Variants in ZHX3 observed in about 807,000 individuals in gnomAD.
ZHX3 encodes the protein zinc fingers and homeoboxes 3.
ZHX3 carries 20 observed loss-of-function variants against 64.5 expected under a neutral mutation model. That is an observed-to-expected ratio of 0.31 (90% CI 0.22 to 0.45). ZHX3 has a LOEUF of 0.45. Among genes scored for constraint, ZHX3 ranks in the 20% least tolerant of loss-of-function variants. ZHX3 has a pLI of 1.00. For synonymous variants in ZHX3, 423 were observed against 461.6 expected, an observed-to-expected ratio of 0.92 and a Z score of 1.07; for missense variants, 1,041 against 1,195.8, an observed-to-expected ratio of 0.87 and a Z score of 1.91.
At position 41,202,321 on chromosome 20, in the gene ZHX3, G is replaced by T. The variant is rs748983921; in HGVS notation, c.2596C>A (p.Gln866Lys). Residue 866 changes from glutamine to lysine, a missense_variant, in exon 3 of 4, where the codon CAG becomes AAG. Physicochemically the swap from Gln to Lys is moderately conservative, Grantham distance 53. Coordinates refer to ENST00000683867, the MANE Select transcript of ZHX3 (RefSeq NM_001384317.1). The surrounding 1 kb of genome is among the most constrained non-coding windows in gnomAD (Gnocchi z 7.0). Reference sequence around the variant, plus strand: ...ATCTGGGTCTTGTCACAGAGGTTCTGCAGGTCCTCTTCATACAGCATCTTG... The same window carrying T: ...ATCTGGGTCTTGTCACAGAGGTTCTTCAGGTCCTCTTCATACAGCATCTTG... Reference protein sequence around the residue: ...THKMLYEEDLQNLCDKTQMSS... With the variant: ...THKMLYEEDLKNLCDKTQMSS... 7.4e-6 allele frequency: 12 copies of T among 1,614,064 alleles called. No individual in the cohort carries two copies. Among genetic ancestry groups the T allele is most frequent in the Non-Finnish European group, 1.0e-5 (12 of 1,180,044 alleles).
At chr20:41,218,840 A>ATAATTTCTGCATTTAG (rs2039731900) in intron 2 of ZHX3, among the ~76,000 whole-genome samples, 1 of 152,044 alleles carries the variant, frequency 6.6e-6, no homozygotes, top group Non-Finnish European at 1.5e-5. Flanking sequence ...AAGGGTCACA[A>ATAATTTCTGCATTTAG]TAATTTCTGC....
chr20:41,204,367 T>C lies in ZHX3; in HGVS notation c.550A>G (p.Thr184Ala). The C allele has an allele frequency of 1.2e-6, 2 of 1,613,998 alleles. No homozygotes were observed. The highest frequency in any genetic ancestry group is 1.7e-5 in the Admixed American group (1 of 59,996). ...DGQAEIIITK[T>A]PIMKIMKGKA... ...CCTTTCATTATCTTCATGATTGGAG[T>C]TTTGGTAATGATGATTTCTGCCTGT... Residue 184 changes from threonine to alanine, a missense_variant, in exon 3 of 4, where the codon ACT becomes GCT. Physicochemically the swap from Thr to Ala is moderately conservative, Grantham distance 58. Transcript: ENST00000683867. This position sits in a 1 kb window ranked among gnomAD's most constrained non-coding sequence, Gnocchi z 6.6.
intron 2 of ZHX3, among the ~76,000 whole-genome samples, chr20:41,210,174 G>C (rs924052000): frequency 5.3e-5 from 8 of 152,158 alleles, no homozygotes; most frequent in Admixed American, 2.0e-4. Context: ...TTAGAATGGC[G>C]ACCATTAAAA....
intron 2 of ZHX3, among the ~76,000 whole-genome samples, chr20:41,257,341 T>G (rs2042310975): frequency 6.6e-6 from 1 of 152,188 alleles, no homozygotes; most frequent in South Asian, 2.1e-4. Flanking sequence ...TCATAAAATG[T>G]TCATGAAAAT....
chr20:41,305,556 G>A (rs764646248), intron 1 of ZHX3, among the ~76,000 whole-genome samples: 3 of 151,858 alleles, frequency 2.0e-5, no homozygotes, highest in African/African-American at 4.8e-5. Flanking sequence ...AGGCCGGGAC[G>A]GGCGGATCAC....
At chr20:41,283,583 C>T (rs761319825) in intron 1 of ZHX3, among the ~76,000 whole-genome samples, 2 of 151,972 alleles carry the variant, frequency 1.3e-5, no homozygotes, top group Non-Finnish European at 2.9e-5. Flanking sequence ...ACAGTGAAAC[C>T]CTGTCTCTAC....
intron 1 of ZHX3, among the ~76,000 whole-genome samples, chr20:41,299,606 A>C (rs1333056723): frequency 1.3e-5 from 2 of 152,194 alleles, no homozygotes; most frequent in South Asian, 2.1e-4. Context: ...TCATGCCTGT[A>C]ATCTCAGCAC....
At position 41,203,008 on chromosome 20, in the gene ZHX3, G is replaced by A. The variant is rs1191930549; in HGVS notation, c.1909C>T (p.Pro637Ser). 6.2e-7 allele frequency: 1 copy of A among 1,614,154 alleles called. No homozygotes were observed. Among genetic ancestry groups the A allele is most frequent in the Admixed American group, 1.7e-5 (1 of 60,024 alleles). ...LESSFAQNPL[P>S]LDEELDRLRS... The stretch of plus-strand genomic sequence containing the variant: ...AGGCGGTCCAGTTCCTCATCAAGAG[G>A]AAGAGGGTTTTGTGCAAAACTGCTC... The change falls in exon 3 of 4, where the codon CCT (proline) becomes TCT (serine). Residue 637 changes from proline (P) to serine (S), a missense_variant. Pro to Ser is a moderately conservative substitution (Grantham distance 74). Coordinates refer to ENST00000683867, the MANE Select transcript of ZHX3 (RefSeq NM_001384317.1). The surrounding 1 kb of genome is among the most constrained non-coding windows in gnomAD (Gnocchi z 7.1).
intron 2 of ZHX3, among the ~76,000 whole-genome samples, chr20:41,236,649 A>C (rs2041013371): frequency 6.6e-6 from 1 of 152,230 alleles, no homozygotes; most frequent in South Asian, 2.1e-4. Flanking sequence ...TAAATGTTAG[A>C]CGTAAAACCA....
At position 41,183,219 on chromosome 20, in the gene ZHX3, A is replaced by C. The variant is rs532279181; in HGVS notation, c.*1972T>G. ...TATATAAATTAATCTGCACGTATATAAACACTAAAAGGAGAAATTCCAAGT... is the reference window on the plus strand; with the variant it reads ...TATATAAATTAATCTGCACGTATATCAACACTAAAAGGAGAAATTCCAAGT... On this transcript the variant is annotated 3_prime_UTR_variant, in exon 4 of 4. Coordinates refer to ENST00000683867, the MANE Select transcript of ZHX3 (RefSeq NM_001384317.1). The surrounding 1 kb of genome is among the most constrained non-coding windows in gnomAD (Gnocchi z 5.3). 6.6e-6 allele frequency: 1 copy of C among 152,370 alleles called. No homozygotes were observed. Among genetic ancestry groups the C allele is most frequent in the South Asian group, 2.1e-4 (1 of 4,832 alleles). The allele number at this position is 152,370 out of a possible 1,614,324, so 9.4% of individuals were successfully genotyped here.
chr20:41,300,214 G>A (rs1173982092), intron 1 of ZHX3: 2 of 152,138 alleles, frequency 1.3e-5, no homozygotes, highest in African/African-American at 4.8e-5. Flanking sequence ...GGGATGGGAG[G>A]GTAGGAGTGG....
rs1263367289 is a variant in ZHX3 at position 41,201,453 on chromosome 20, C to A, written c.2860+604G>T. 3.4e-6 allele frequency: 4 copies of A among 1,177,530 alleles called. No homozygotes were observed. Among genetic ancestry groups the A allele is most frequent in the Non-Finnish European group, 4.6e-6 (4 of 878,100 alleles). 72.9% of individuals were successfully genotyped at this position (1,177,530 alleles called of 1,614,324 possible). On this transcript the variant is annotated intron_variant, in intron 3 of 3. Transcript: ENST00000683867. The surrounding 1 kb of genome is among the most constrained non-coding windows in gnomAD (Gnocchi z 5.0). ...AAACTATGTCTTAAATAAAAATAAT[C>A]TTCTATGATACATTTTGCTTTCGAG...
chr20:41,240,201 A>G (rs188393807), intron 2 of ZHX3, among the ~76,000 whole-genome samples: 464 of 152,252 alleles, frequency 3.0e-3, no homozygotes, highest in African/African-American at 0.01. Context: ...GGGTTTTGCC[A>G]TGTTGGCCAG....
chr20:41,286,144 A>G (rs2043926112), intron 1 of ZHX3, among the ~76,000 whole-genome samples: 1 of 152,220 alleles, frequency 6.6e-6, no homozygotes, highest in Non-Finnish European at 1.5e-5. Context: ...TTAGCCACTT[A>G]TTATTGAAAA....
Position 41,181,236 on chromosome 20 carries a change from C to T in ZHX3, c.*3955G>A, listed in dbSNP as rs2036241285. The T allele has an allele frequency of 6.6e-6, 1 of 152,144 alleles. No homozygotes were observed. The highest frequency in any genetic ancestry group is 2.1e-4 in the South Asian group (1 of 4,826). The allele number at this position is 152,144 out of a possible 1,614,324, so 9.4% of individuals were successfully genotyped here. A position where few individuals can be genotyped will look rare whatever the true frequency, so the allele number is the denominator to read the frequency against. Reference sequence around the variant, plus strand: ...GCCCTGGAAGACTTGACTATGTGGGCCTTCATGTGTCTAGAGGATTTTTCT... The same window carrying T: ...GCCCTGGAAGACTTGACTATGTGGGTCTTCATGTGTCTAGAGGATTTTTCT... On this transcript the variant is annotated 3_prime_UTR_variant, in exon 4 of 4. Coordinates refer to ENST00000683867, the MANE Select transcript of ZHX3 (RefSeq NM_001384317.1).
At chr20:41,293,073 T>A (rs899085807) in intron 1 of ZHX3, among the ~76,000 whole-genome samples, 1 of 152,222 alleles carries the variant, frequency 6.6e-6, no homozygotes, top group Non-Finnish European at 1.5e-5. Context: ...AGATAGTATC[T>A]GCTGGGGGCT....
At chr20:41,303,486 A>G (rs1018662792) in intron 1 of ZHX3, among the ~76,000 whole-genome samples, 31 of 152,214 alleles carry the variant, frequency 2.0e-4, no homozygotes, top group African/African-American at 5.5e-4. Context: ...TGCATCATCT[A>G]CCCTTGGCTA....
chr20:41,259,358 C>T (rs1366595159), intron 2 of ZHX3, among the ~76,000 whole-genome samples: 1 of 152,200 alleles, frequency 6.6e-6, no homozygotes, highest in East Asian at 1.9e-4. Context: ...TTCTATTTAT[C>T]ACCTTTGATC....
chr20:41,300,653 G>A (rs891942629), intron 1 of ZHX3, among the ~76,000 whole-genome samples: 4 of 152,204 alleles, frequency 2.6e-5, no homozygotes, highest in African/African-American at 9.7e-5. Flanking sequence ...AGGGGTCAGA[G>A]AAGGCTTTTG....
Sources: allele counts gnomAD v4.1 joint callset (sites outside exome capture counted in the v4.1 genomes callset), GRCh38; gene constraint gnomAD v4.1.1; non-coding constraint Gnocchi (gnomAD v3.1); transcripts MANE v1.5; gene names NCBI Gene and HGNC (gene_info 2026-07-23, HGNC 2026-07-21).